The following NTNG1 variants were observed in gnomAD, a reference collection of about 807,000 sequenced individuals.
NTNG1 encodes the protein netrin-G1.
In NTNG1, 16 loss-of-function variants were observed where a neutral mutation model predicts 54.0. The ratio of observed to expected loss-of-function variants is 0.30; its 90% CI spans 0.20 to 0.45. The LOEUF (loss-of-function observed/expected upper bound fraction) is 0.45. Ranked by LOEUF, NTNG1 falls within the 20% of genes least tolerant of loss-of-function variation. NTNG1 has a pLI of 1.00. For synonymous variants in NTNG1, 255 were observed against 263.1 expected (o/e 0.97, Z 0.30); for missense variants, 530 against 678.7 (o/e 0.78, Z 2.43).
intron 2 of NTNG1, among the ~76,000 whole-genome samples, chr1:107,284,559 TAA>T (rs1665074954): frequency 6.6e-6 from 1 of 152,194 alleles, no homozygotes; most frequent in East Asian, 1.9e-4. Context: ...AAATAGCCAT[TAA>T]AAATTATACT....
intron 2 of NTNG1, among the ~76,000 whole-genome samples, chr1:107,274,153 G>T (rs1480993849): frequency 6.6e-6 from 1 of 152,222 alleles, no homozygotes; most frequent in Non-Finnish European, 1.5e-5. Flanking sequence ...GAATTAGGGA[G>T]TAACTTTCAC....
chr1:107,242,328 G>GCT (rs1020281715), intron 2 of NTNG1, among the ~76,000 whole-genome samples: 12 of 151,600 alleles, frequency 7.9e-5, no homozygotes, highest in Non-Finnish European at 2.9e-5. Flanking sequence ...GTTTGATCTC[G>GCT]CTCTCTCTCT....
intron 2 of NTNG1, among the ~76,000 whole-genome samples, chr1:107,167,909 C>G (rs1419751638): frequency 6.6e-6 from 1 of 151,610 alleles, no homozygotes; most frequent in Admixed American, 6.6e-5. Flanking sequence ...TGCTTCTTAC[C>G]TTGGGTTGTC....
intron 3 of NTNG1, among the ~76,000 whole-genome samples, chr1:107,361,286 AT>A (rs1263341756): frequency 7.0e-6 from 1 of 143,306 alleles, no homozygotes; most frequent in Non-Finnish European, 1.5e-5. Context: ...ATAATATATA[AT>A]TTTTATATAA....
At chr1:107,193,249 T>A (rs577613820) in intron 2 of NTNG1, among the ~76,000 whole-genome samples, 15 of 152,144 alleles carry the variant, frequency 9.9e-5, no homozygotes, top group Non-Finnish European at 1.9e-4. Flanking sequence ...TGCTCACTGG[T>A]CTTCTTACTT....
At chr1:107,373,321 TC>T (rs1671037239) in intron 3 of NTNG1, among the ~76,000 whole-genome samples, 1 of 152,104 alleles carries the variant, frequency 6.6e-6, no homozygotes, top group African/African-American at 2.4e-5. Flanking sequence ...TCAGGTGATA[TC>T]ATACCAGTTC....
intron 2 of NTNG1, among the ~76,000 whole-genome samples, chr1:107,210,476 G>T (rs1659525533): frequency 6.6e-6 from 1 of 152,194 alleles, no homozygotes; most frequent in African/African-American, 2.4e-5. Context: ...GTTCCACTGA[G>T]ATGGGGGACA....
At chr1:107,372,135 A>G (rs1670956173) in intron 3 of NTNG1, among the ~76,000 whole-genome samples, 1 of 151,786 alleles carries the variant, frequency 6.6e-6, no homozygotes, top group East Asian at 1.9e-4. Context: ...TTTTGGTTTC[A>G]TTGATTTTTT....
At chr1:107,369,419 A>G (rs1670788972) in intron 3 of NTNG1, among the ~76,000 whole-genome samples, 1 of 152,110 alleles carries the variant, frequency 6.6e-6, no homozygotes, top group Non-Finnish European at 1.5e-5. Context: ...GGTGAGGGTC[A>G]GTCTTTTTAA....
At chr1:107,335,857 G>A (rs1212888660) in intron 3 of NTNG1, among the ~76,000 whole-genome samples, 1 of 151,692 alleles carries the variant, frequency 6.6e-6, no homozygotes, top group African/African-American at 2.4e-5. Flanking sequence ...TAATAAAATG[G>A]TTAAGAATAA....
At chr1:107,183,772 AC>A (rs1173397141) in intron 2 of NTNG1, among the ~76,000 whole-genome samples, 1 of 152,114 alleles carries the variant, frequency 6.6e-6, no homozygotes, top group Non-Finnish European at 1.5e-5. Flanking sequence ...TTCAAAAATA[AC>A]CTGGACAAAA....
At position 107,484,176 on chromosome 1, in the gene NTNG1, T is replaced by C. The variant is rs577433532; in HGVS notation, c.*3336T>C. On this transcript the variant is annotated 3_prime_UTR_variant, in exon 8 of 8. Coordinates refer to ENST00000370068, the MANE Select transcript of NTNG1 (RefSeq NM_001113226.3). ...GCATCTGTGTGGATGGATTAGGCCCTGGGGCCTGGAGTGTTCACTGTGGAA... is the reference window on the plus strand; with the variant it reads ...GCATCTGTGTGGATGGATTAGGCCCCGGGGCCTGGAGTGTTCACTGTGGAA... Among the ~76,000 whole-genome samples, 1 of 152,246 alleles carries C rather than the reference T, an allele frequency of 6.6e-6. No individual in the cohort carries two copies. The highest frequency in any genetic ancestry group is 2.1e-4 in the South Asian group (1 of 4,820).
chr1:107,192,635 C>A (rs1013202546), intron 2 of NTNG1, among the ~76,000 whole-genome samples: 1 of 152,030 alleles, frequency 6.6e-6, no homozygotes, highest in Non-Finnish European at 1.5e-5. Context: ...TCTGGCATAT[C>A]TTTTGCCTAT....
intron 5 of NTNG1, among the ~76,000 whole-genome samples, chr1:107,419,410 G>GAAAAAGAAAAAAGAAAAAAGA (rs150143080): frequency 2.0e-5 from 3 of 149,902 alleles, no homozygotes; most frequent in Non-Finnish European, 3.0e-5. Context: ...TGTCAAAGAA[G>GAAAAAGAAAAAAGAAAAAAGA]AAAAAGAAAA....
chr1:107,159,062 GA>G (rs1464758467), intron 2 of NTNG1, among the ~76,000 whole-genome samples: 1 of 152,088 alleles, frequency 6.6e-6, no homozygotes, highest in Non-Finnish European at 1.5e-5. Context: ...TCATATTGTG[GA>G]CCGTCTGCAT....
At chr1:107,316,375 T>G (rs1667337641) in intron 2 of NTNG1, among the ~76,000 whole-genome samples, 1 of 152,136 alleles carries the variant, frequency 6.6e-6, no homozygotes, top group Admixed American at 6.5e-5. Flanking sequence ...TTAAAATGAC[T>G]AGTTTTTCTT....
intron 1 of NTNG1, chr1:107,141,572 A>T (rs1002936144): frequency 4.0e-5 from 6 of 151,450 alleles, no homozygotes; most frequent in South Asian, 2.1e-4. Context: ...TGCGATGCAC[A>T]GGCGGGAGGG....
At chr1:107,306,069 A>C (rs575082600) in intron 2 of NTNG1, among the ~76,000 whole-genome samples, 2 of 152,214 alleles carry the variant, frequency 1.3e-5, no homozygotes, top group African/African-American at 2.4e-5. Context: ...AAGCACCACT[A>C]TGATATTTCA....
intron 1 of NTNG1, among the ~76,000 whole-genome samples, chr1:107,145,849 A>C (rs1289787542): frequency 6.6e-6 from 1 of 152,092 alleles, no homozygotes; most frequent in Non-Finnish European, 1.5e-5. Context: ...AATGACCATC[A>C]TTATAATCCT....
Sources: gnomAD v4.1 joint callset for allele counts (sites outside exome capture counted in the v4.1 genomes callset) on GRCh38, gnomAD v4.1.1 for gene constraint, MANE v1.5 for transcripts, NCBI Gene and HGNC (gene_info 2026-07-23, HGNC 2026-07-21) for gene names.